PARVA: variants seen among roughly 807,000 people sequenced by gnomAD.
The protein encoded by PARVA is alpha-parvin.
Under a neutral mutation model 52.6 loss-of-function variants are expected in PARVA, and 25 were observed. That is an observed-to-expected ratio of 0.48 (90% CI 0.35 to 0.66). The LOEUF is 0.66. PARVA is among the 30% of genes least tolerant of loss of function. The pLI is 0.01. For missense variants in PARVA, 373 were observed against 450.9 expected (o/e 0.83, Z 1.56); for synonymous variants, 185 against 179.1 (o/e 1.03, Z -0.26).
chr11:12,474,773 CGCA>C (rs1940985876), intron 3 of PARVA, among the ~76,000 whole-genome samples: 1 of 151,886 alleles, frequency 6.6e-6, no homozygotes, highest in African/African-American at 2.4e-5. Context: ...AGTGTGGTGG[CGCA>C]TGACTGTAAT....
intron 1 of PARVA, among the ~76,000 whole-genome samples, chr11:12,401,960 C>T (rs1939834811): frequency 6.6e-6 from 1 of 152,116 alleles, no homozygotes; most frequent in Non-Finnish European, 1.5e-5. Context: ...AGTTCCCCAA[C>T]TAGAGAATGT....
chr11:12,462,989 G>A (rs774684757), intron 1 of PARVA, among the ~76,000 whole-genome samples: 19 of 151,710 alleles, frequency 1.3e-4, no homozygotes, highest in Non-Finnish European at 2.2e-4. Context: ...GGAAACATTC[G>A]TGTCTCATAA....
At chr11:12,379,932 A>G (rs1250571191) in intron 1 of PARVA, among the ~76,000 whole-genome samples, 1 of 152,184 alleles carries the variant, frequency 6.6e-6, no homozygotes, top group African/African-American at 2.4e-5. Flanking sequence ...CAACTGAGAA[A>G]TATTGAAGCT....
chr11:12,459,426 G>T (rs1003703682), intron 1 of PARVA, among the ~76,000 whole-genome samples: 2 of 151,656 alleles, frequency 1.3e-5, no homozygotes, highest in African/African-American at 2.4e-5. Flanking sequence ...AAAAAGAGAA[G>T]AAAGAAAAAA....
At position 12,503,493 on chromosome 11, in the gene PARVA, G is replaced by T. The variant is rs1267037050; in HGVS notation, c.542-821G>T. On this transcript the variant is annotated intron_variant, in intron 5 of 12. Transcript: ENST00000334956. ...GCTCAGCAGTTGTCAGGATCCTCAT[G>T]GGAACCTGGGATTAGAGAGGTGCCA... Among the ~76,000 whole-genome samples the T allele has an allele frequency of 2.6e-5, 4 of 151,968 alleles. No homozygotes were observed. In the East Asian group the frequency reaches 7.8e-4, roughly 30 times the overall value.
At chr11:12,465,582 C>T (rs887401561) in intron 1 of PARVA, among the ~76,000 whole-genome samples, 30 of 152,240 alleles carry the variant, frequency 2.0e-4, no homozygotes, top group African/African-American at 6.5e-4. Context: ...TCTCTAGTTT[C>T]GCCTTTTCCA....
intron 1 of PARVA, among the ~76,000 whole-genome samples, chr11:12,453,533 G>A (rs754394221): frequency 6.6e-6 from 1 of 152,128 alleles, no homozygotes; most frequent in Non-Finnish European, 1.5e-5. Context: ...CTTACTGTAA[G>A]AGCTCCTAAT....
At chr11:12,525,136 A>T (rs980881437) in intron 12 of PARVA, among the ~76,000 whole-genome samples, 1 of 152,340 alleles carries the variant, frequency 6.6e-6, no homozygotes, top group Admixed American at 6.5e-5. Context: ...GCAGTGTGGT[A>T]CCAAATGAGA....
At chr11:12,471,968 A>G (rs991650290) in intron 1 of PARVA, among the ~76,000 whole-genome samples, 1 of 152,244 alleles carries the variant, frequency 6.6e-6, no homozygotes, top group African/African-American at 2.4e-5. Flanking sequence ...TAACAAAGTA[A>G]TGAAAATTGT....
intron 4 of PARVA, among the ~76,000 whole-genome samples, chr11:12,487,215 A>G (rs1169506466): frequency 6.6e-6 from 1 of 152,206 alleles, no homozygotes; most frequent in Admixed American, 6.5e-5. Context: ...GAGGAGATGC[A>G]TCTTGAAGAG....
At chr11:12,407,592 A>G (rs1939930778) in intron 1 of PARVA, among the ~76,000 whole-genome samples, 1 of 152,204 alleles carries the variant, frequency 6.6e-6, no homozygotes, top group Non-Finnish European at 1.5e-5. Flanking sequence ...CTCCAGTTAC[A>G]TGTTACAGTG....
intron 8 of PARVA, 108 bp from the exon 9 acceptor site, chr11:12,513,190 CG>C (rs773779182): frequency 1.2e-6 from 1 of 856,044 alleles, no homozygotes; most frequent in Non-Finnish European, 2.0e-6. Context: ...GGCTTCCCAT[CG>C]GTAGTTGACC....
At chr11:12,525,085 G>A (rs1275824031) in intron 12 of PARVA, among the ~76,000 whole-genome samples, 1 of 152,218 alleles carries the variant, frequency 6.6e-6, no homozygotes, top group Non-Finnish European at 1.5e-5. Context: ...GGGGAGGGTA[G>A]TGAAAGGAAG....
upstream of PARVA, chr11:12,376,687 TGA>T (rs752306419): frequency 7.2e-6 from 7 of 977,258 alleles, no homozygotes; most frequent in Non-Finnish European, 8.5e-6. Flanking sequence ...AGTCTGTGTG[TGA>T]GAGACAGACA....
chr11:12,503,256 C>A (rs545343742), intron 5 of PARVA, among the ~76,000 whole-genome samples: 2 of 152,260 alleles, frequency 1.3e-5, no homozygotes, highest in South Asian at 4.1e-4. Context: ...ATCTTAAAGC[C>A]CTGAACCAAG....
At chr11:12,521,508 C>T (rs1012547372) in intron 12 of PARVA, among the ~76,000 whole-genome samples, 2 of 152,150 alleles carry the variant, frequency 1.3e-5, no homozygotes, top group East Asian at 1.9e-4. Flanking sequence ...ATTTGTAATA[C>T]GCTATAAAAT....
At position 12,473,959 on chromosome 11, in the gene PARVA, C is replaced by T. The variant is rs1398743718; in HGVS notation, c.273C>T (p.Asp91=). ...RTMVDPNSRS[D]PKLQELMKVL... ...TGGTGGATCCAAACTCACGCAGTGA[C>T]CCCAAGCTTCAAGAACTGATGAAGG... Residue 91 remains aspartate (D), a synonymous_variant, in exon 3 of 13, where the codon GAC becomes GAT. Transcript: ENST00000334956. The T allele has an allele frequency of 3.2e-6, 5 of 1,581,144 alleles. No individual in the cohort carries two copies. The highest frequency in any genetic ancestry group is 4.3e-6 in the Non-Finnish European group (5 of 1,163,604).
chr11:12,505,201 CT>C (rs1414808353), intron 6 of PARVA, among the ~76,000 whole-genome samples: 4 of 152,274 alleles, frequency 2.6e-5, no homozygotes, highest in African/African-American at 9.6e-5. Context: ...TTGCTTGTTC[CT>C]GTTCTTTTCC....
chr11:12,446,934 T>C (rs1940555470), intron 1 of PARVA, among the ~76,000 whole-genome samples: 1 of 152,226 alleles, frequency 6.6e-6, no homozygotes, highest in Admixed American at 6.5e-5. Context: ...TCAGGGTAAA[T>C]GTTGGTTGTG....
Sources: gnomAD v4.1 joint callset for allele counts (sites outside exome capture counted in the v4.1 genomes callset) on GRCh38, gnomAD v4.1.1 for gene constraint, MANE v1.5 for transcripts, NCBI Gene and HGNC (gene_info 2026-07-23, HGNC 2026-07-21) for gene names.